MYRFL: variants seen among roughly 807,000 people sequenced by gnomAD.
MYRFL encodes myelin regulatory factor like, also known as myelin regulatory factor-like protein.
MYRFL carries 88 observed loss-of-function variants against 109.4 expected under a neutral mutation model. The observed-to-expected ratio is 0.80, with a 90% CI of 0.68 to 0.96. MYRFL has a LOEUF of 0.96. Ranked by LOEUF, MYRFL falls within the 40% of genes least tolerant of loss-of-function variation. MYRFL has a pLI of 0.00. For missense variants in MYRFL, 957 were observed against 954.9 expected (o/e 1.00, Z -0.03); for synonymous variants, 324 against 320.9 (o/e 1.01, Z -0.10).
intron 14 of MYRFL, among the ~76,000 whole-genome samples, chr12:69,927,103 C>A (rs1011904999): frequency 1.6e-4 from 25 of 151,770 alleles, no homozygotes; most frequent in African/African-American, 5.8e-4. Context: ...CGCCACCATG[C>A]CCGGCTAATT....
chr12:69,957,703 GA>G (rs1956125861), intron 22 of MYRFL, 118 bp from the exon 23 acceptor site: 26 of 1,251,338 alleles, frequency 2.1e-5, no homozygotes, highest in Non-Finnish European at 2.7e-5. Context: ...TGCCTATTGT[GA>G]ACTTTGAATG....
intron 16 of MYRFL, among the ~76,000 whole-genome samples, chr12:69,933,343 T>C (rs1279820002): frequency 6.6e-6 from 1 of 152,124 alleles, no homozygotes; most frequent in African/African-American, 2.4e-5. Flanking sequence ...CTCTTGCCCG[T>C]CTTCTCTGGG....
chr12:69,936,076 A>ATTTTT, intron 16 of MYRFL, 37 bp from the exon 17 acceptor site: 2 of 1,383,394 alleles, frequency 1.4e-6, no homozygotes, highest in Non-Finnish European at 1.9e-6. Flanking sequence ...CTGCCACATA[A>ATTTTT]TGTTTTTTTT....
At chr12:69,904,639 T>G (rs1198233788) in intron 11 of MYRFL, among the ~76,000 whole-genome samples, 1 of 152,224 alleles carries the variant, frequency 6.6e-6, no homozygotes, top group Non-Finnish European at 1.5e-5. Flanking sequence ...ACAACTGCTA[T>G]GTAGACCATA....
chr12:69,941,976 C>A (rs2040797069), intron 19 of MYRFL, among the ~76,000 whole-genome samples: 1 of 150,968 alleles, frequency 6.6e-6, no homozygotes, highest in Non-Finnish European at 1.5e-5. Flanking sequence ...TCTCCCAAGA[C>A]TAAACCAGGA....
At chr12:69,899,000 G>A (rs544407352) in intron 10 of MYRFL, among the ~76,000 whole-genome samples, 1 of 152,264 alleles carries the variant, frequency 6.6e-6, no homozygotes, top group East Asian at 1.9e-4. Context: ...TTCGTATTCG[G>A]TGTGAGTACC....
chr12:69,880,376 C>G, intron 5 of MYRFL, 84 bp downstream of exon 5: 1 of 648,338 alleles, frequency 1.5e-6, no homozygotes, highest in Non-Finnish European at 2.8e-6. Flanking sequence ...CTTTGAGCAG[C>G]CCTGCAAAAG....
chr12:69,889,095 A>G (rs529590414), intron 6 of MYRFL, among the ~76,000 whole-genome samples: 1 of 152,288 alleles, frequency 6.6e-6, no homozygotes, highest in East Asian at 1.9e-4. Flanking sequence ...AGGAAAATTT[A>G]GAAACTCTTG....
chr12:69,912,103 A>G (rs1954590270), intron 13 of MYRFL, among the ~76,000 whole-genome samples: 1 of 152,188 alleles, frequency 6.6e-6, no homozygotes, highest in Non-Finnish European at 1.5e-5. Flanking sequence ...CTTAGATGAC[A>G]TGGTCTGGGA....
intron 8 of MYRFL, among the ~76,000 whole-genome samples, chr12:69,894,579 G>T (rs1251901677): frequency 6.6e-6 from 1 of 152,184 alleles, no homozygotes; most frequent in Non-Finnish European, 1.5e-5. Context: ...GCTGTACTTA[G>T]AAGTCATTTT....
rs1336716063 is a variant in MYRFL, at chr12:69,926,932, G to GTT, written c.1766+198_1766+199insTT. On this transcript the variant is annotated intron_variant, in intron 14 of 24. Transcript: ENST00000552032. ...ACTTTCTTAGTTTTTTTCTGTTGCTGGTTTTTTTTTTTTTTTTTTTTTTTT... is the reference window on the plus strand; with the variant it reads ...ACTTTCTTAGTTTTTTTCTGTTGCTGTTGTTTTTTTTTTTTTTTTTTTTTTTT... 2.9e-3 allele frequency among the ~76,000 whole-genome samples: 225 copies of GTT among 76,846 alleles called. 63 individuals carry two copies. Among genetic ancestry groups the GTT allele is most frequent in the Middle Eastern group, 9.6e-3 (1 of 104 alleles). 50.4% of individuals were successfully genotyped at this position (76,846 alleles called of 152,430 possible).
In MYRFL at chr12:69,936,251, C is replaced by T. The variant is rs1420684499; in HGVS notation, c.1992-32C>T. ...TGGAGAGAAGGATTTTTGCAGCCCT[C>T]TTTCATTAATCATTTCATTCTTTTT... On this transcript the variant is annotated intron_variant, in intron 17 of 24. Transcript: ENST00000552032. 5 of 1,535,774 alleles carry T rather than the reference C, an allele frequency of 3.3e-6. No individual in the cohort carries two copies. The African/African-American group carries it at 4.1e-5, about 13-fold the overall frequency.
chr12:69,871,276 A>G (rs1018195764), intron 2 of MYRFL, among the ~76,000 whole-genome samples: 3 of 128,470 alleles, frequency 2.3e-5, no homozygotes, highest in African/African-American at 8.8e-5. Flanking sequence ...TCTGTCGCCC[A>G]GGCTGGAGTG....
intron 2 of MYRFL, among the ~76,000 whole-genome samples, chr12:69,864,608 A>G (rs1884898740): frequency 6.7e-6 from 1 of 148,660 alleles, no homozygotes; most frequent in African/African-American, 2.4e-5. Context: ...TGTGGGAAGA[A>G]GGTGAGTTCA....
intron 1 of MYRFL, among the ~76,000 whole-genome samples, chr12:69,829,618 A>G (rs1024021315): frequency 1.3e-5 from 2 of 152,150 alleles, no homozygotes; most frequent in African/African-American, 4.8e-5. Flanking sequence ...ACAAGCAGAT[A>G]TTGAATTCTA....
At chr12:69,913,583 C>T (rs1954643020) in intron 13 of MYRFL, among the ~76,000 whole-genome samples, 1 of 152,120 alleles carries the variant, frequency 6.6e-6, no homozygotes, top group Admixed American at 6.5e-5. Flanking sequence ...TCTTGGCATC[C>T]TTGTCTAAAA....
At chr12:69,945,986 CAAAAAAAAAAAAA>C (rs56988555) in intron 19 of MYRFL, among the ~76,000 whole-genome samples, 8 of 42,340 alleles carry the variant, frequency 1.9e-4, no homozygotes, top group South Asian at 2.7e-3. Context: ...GACTCCGTCT[CAAAAAAAAAAAAA>C]AAAAAAAAAA....
chr12:69,943,055 A>C (rs1347693026), intron 19 of MYRFL, among the ~76,000 whole-genome samples: 1 of 151,220 alleles, frequency 6.6e-6, no homozygotes, highest in Non-Finnish European at 1.5e-5. Context: ...ATGGAAGAAC[A>C]TTCCATGCTC....
chr12:69,942,935 G>A (rs1213277199), intron 19 of MYRFL, among the ~76,000 whole-genome samples: 2 of 152,008 alleles, frequency 1.3e-5, no homozygotes, highest in Non-Finnish European at 2.9e-5. Flanking sequence ...ATTCACAATT[G>A]CTTCAAAGAG....
Sources: gnomAD v4.1 joint callset for allele counts (sites outside exome capture counted in the v4.1 genomes callset) on GRCh38, gnomAD v4.1.1 for gene constraint, MANE v1.5 for transcripts, NCBI Gene and HGNC (gene_info 2026-07-23, HGNC 2026-07-21) for gene names.